The following TMEM272 variants were observed in gnomAD, a reference collection of about 807,000 sequenced individuals.
The protein encoded by TMEM272 is transmembrane protein 272.
In TMEM272, 8 loss-of-function variants were observed where a neutral mutation model predicts 3.7. That is an observed-to-expected ratio of 2.17 (90% CI 1.27 to 3.91). The LOEUF (loss-of-function observed/expected upper bound fraction) is 3.91, where lower values mean the gene tolerates loss of function less well. Ranked by LOEUF, TMEM272 falls within the 30% of genes most tolerant of loss-of-function variation. The pLI is 0.00. For missense variants in TMEM272, 166 were observed against 91.5 expected (o/e 1.81, Z -3.32); for synonymous variants, 63 against 39.8 (o/e 1.58, Z -2.20).
chr13:51,818,004 T>G (rs754843508), intron 4 of TMEM272, among the ~76,000 whole-genome samples: 1 of 152,166 alleles, frequency 6.6e-6, no homozygotes, highest in Non-Finnish European at 1.5e-5. Context: ...AGGAATGCCT[T>G]AACAGCTCCC....
the TMEM272 span, among the ~76,000 whole-genome samples, chr13:51,897,754 C>CT: frequency 6.6e-6 from 1 of 150,744 alleles, no homozygotes; most frequent in African/African-American, 2.4e-5. Flanking sequence ...TGGTTAAACT[C>CT]TGTCTCTACT....
chr13:51,859,213 C>T, the TMEM272 span, among the ~76,000 whole-genome samples: 4 of 151,740 alleles, frequency 2.6e-5, no homozygotes, highest in Non-Finnish European at 4.4e-5. Flanking sequence ...AATATCATAG[C>T]TGCCTGATTT....
At chr13:51,888,401 A>G in the TMEM272 span, among the ~76,000 whole-genome samples, 1 of 152,062 alleles carries the variant, frequency 6.6e-6, no homozygotes, top group Non-Finnish European at 1.5e-5. Context: ...CCACCTCTGT[A>G]ACCTCCCTGT....
At chr13:51,895,166 T>C in the TMEM272 span, among the ~76,000 whole-genome samples, 1 of 152,142 alleles carries the variant, frequency 6.6e-6, no homozygotes, top group Admixed American at 6.5e-5. Flanking sequence ...TAACAGGCCA[T>C]GGACAAGTAC....
the TMEM272 span, among the ~76,000 whole-genome samples, chr13:51,867,345 CCA>C: frequency 1.3e-5 from 2 of 152,174 alleles, 1 homozygote. Flanking sequence ...GGACCAAAAC[CCA>C]CAGTGTCTGT....
the TMEM272 span, among the ~76,000 whole-genome samples, chr13:51,892,224 G>A: frequency 6.6e-6 from 1 of 152,162 alleles, no homozygotes. Flanking sequence ...GAGACTCTTG[G>A]AAGACTGGGA....
intron 2 of TMEM272, among the ~76,000 whole-genome samples, chr13:51,832,599 A>G (rs1425758901): frequency 6.6e-6 from 1 of 152,026 alleles, no homozygotes; most frequent in Non-Finnish European, 1.5e-5. Context: ...CCCAAACCCC[A>G]GTCACCCAAA....
the TMEM272 span, among the ~76,000 whole-genome samples, chr13:51,896,068 A>G: frequency 3.0e-4 from 46 of 152,336 alleles, no homozygotes; most frequent in African/African-American, 1.1e-3. Context: ...GGAGAACAAG[A>G]GTCTGCTAAA....
chr13:51,833,367 C>A (rs1271631091), intron 2 of TMEM272, among the ~76,000 whole-genome samples: 1 of 152,050 alleles, frequency 6.6e-6, no homozygotes, highest in Non-Finnish European at 1.5e-5. Flanking sequence ...ATCAAATAAT[C>A]ATCAATAATA....
the TMEM272 span, chr13:51,865,798 T>C: frequency 6.2e-7 from 1 of 1,614,152 alleles, no homozygotes; most frequent in Non-Finnish European, 8.5e-7. Flanking sequence ...AAGAGGACAA[T>C]GCCTTATGGG....
chr13:51,930,007 C>T, the TMEM272 span, among the ~76,000 whole-genome samples: 1 of 152,222 alleles, frequency 6.6e-6, no homozygotes, highest in African/African-American at 2.4e-5. Flanking sequence ...TGTCGGTCAA[C>T]AAGGAGCAGG....
the TMEM272 span, among the ~76,000 whole-genome samples, chr13:51,907,490 A>T: frequency 2.0e-5 from 3 of 152,256 alleles, no homozygotes; most frequent in South Asian, 6.2e-4. Flanking sequence ...CTCTGCCCTA[A>T]GCACCCCAAG....
chr13:51,816,408 G>C lies in TMEM272; in HGVS notation c.*343C>G, dbSNP rs994841275. On this transcript the variant is annotated 3_prime_UTR_variant, in exon 5 of 5. Coordinates refer to ENST00000629372, the MANE Select transcript of TMEM272 (RefSeq NM_001351003.2). ...CAACCTTGCTCTTGCACCAGTCATTGAAATTGCACTATGATTTGAAAAGGT... is the reference window on the plus strand; with the variant it reads ...CAACCTTGCTCTTGCACCAGTCATTCAAATTGCACTATGATTTGAAAAGGT... 3.3e-4 allele frequency: 69 copies of C among 208,782 alleles called. 1 individual carries two copies. The highest frequency in any genetic ancestry group is 3.3e-4 in the Non-Finnish European group (34 of 101,772). 12.9% of individuals were successfully genotyped at this position (208,782 alleles called of 1,614,324 possible).
chr13:51,909,554 G>C, the TMEM272 span: 1 of 1,104,482 alleles, frequency 9.1e-7, no homozygotes. Context: ...TCCGTCTGAA[G>C]ATTTTTAATA....
At chr13:51,823,108 C>A (rs2139556408) in intron 3 of TMEM272, among the ~76,000 whole-genome samples, 1 of 152,328 alleles carries the variant, frequency 6.6e-6, no homozygotes, top group Admixed American at 6.5e-5. Flanking sequence ...GAGTCTTGCT[C>A]TGTTGCCCAG....
chr13:51,926,824 T>C, the TMEM272 span, among the ~76,000 whole-genome samples: 2 of 152,350 alleles, frequency 1.3e-5, no homozygotes, highest in East Asian at 3.9e-4. Flanking sequence ...CATTCTGTGA[T>C]GCATTTATAC....
chr13:51,839,811 G>A (rs371092344), intron 1 of TMEM272, among the ~76,000 whole-genome samples: 80 of 152,352 alleles, frequency 5.3e-4, no homozygotes, highest in Admixed American at 2.2e-3. Flanking sequence ...CATGCAGCCC[G>A]CAGCTTCTCT....
the TMEM272 span, among the ~76,000 whole-genome samples, chr13:51,911,504 C>T: frequency 6.6e-6 from 1 of 152,236 alleles, no homozygotes; most frequent in Admixed American, 6.5e-5. Flanking sequence ...ATGCCCTGCC[C>T]TGCAATGAGC....
intron 2 of TMEM272, among the ~76,000 whole-genome samples, chr13:51,828,031 A>G (rs1467976544): frequency 6.6e-6 from 1 of 152,200 alleles, no homozygotes; most frequent in African/African-American, 2.4e-5. Flanking sequence ...CATGAGGGGA[A>G]GCCAGCCTGC....
Sources: allele counts gnomAD v4.1 joint callset (sites outside exome capture counted in the v4.1 genomes callset), GRCh38; gene constraint gnomAD v4.1.1; transcripts MANE v1.5; gene names NCBI Gene and HGNC (gene_info 2026-07-23, HGNC 2026-07-21).